Variants in PKD1 observed in about 807,000 individuals in gnomAD.
PKD1 encodes the protein polycystin-1.
In PKD1, 81 loss-of-function variants were observed where a neutral mutation model predicts 361.7. The observed-to-expected ratio is 0.22, with a 90% CI of 0.19 to 0.27. The LOEUF (loss-of-function observed/expected upper bound fraction) is 0.27, where lower values mean the gene tolerates loss of function less well. PKD1 is among the 10% of genes least tolerant of loss of function. PKD1 has a pLI of 1.00. For missense variants in PKD1, 6,399 were observed against 6,118.3 expected (o/e 1.05, Z -1.53); for synonymous variants, 3,615 against 2,818.3 (o/e 1.28, Z -8.95).
At chr16:2,097,537 G>A (rs571228066) in intron 32 of PKD1, 34 bp from the exon 33 acceptor site, 3 of 1,602,758 alleles carry the variant, frequency 1.9e-6, no homozygotes, top group East Asian at 2.2e-5. Context: ...GGTACCAGGG[G>A]ATGTGTCACA....
At position 2,090,082 on chromosome 16, in the gene PKD1, T is replaced by G. The variant is rs1567144600; in HGVS notation, c.12557A>C (p.His4186Pro). The G allele has an allele frequency of 1.2e-6, 2 of 1,608,870 alleles. No homozygotes were observed. Among genetic ancestry groups the G allele is most frequent in the South Asian group, 2.2e-5 (2 of 90,980 alleles). Residue 4186 changes from histidine to proline, a missense_variant, in exon 46 of 46, where the codon CAC becomes CCC. Physicochemically the swap from His to Pro is moderately conservative, Grantham distance 77. Transcript: ENST00000262304. ...PPPSAGSDAS[H>P]PSTSSSQLDG... is the part of the protein sequence containing the mutation. ...CAGCTGGCTGGAGGAGGTGGAGGGG[T>G]GCGAGGCATCGGAGCCAGCGCTGGG...
intron 1 of PKD1, chr16:2,135,100 A>C: frequency 2.0e-6 from 2 of 976,730 alleles, no homozygotes; most frequent in African/African-American, 1.8e-5. Flanking sequence ...ACCTCCTGGA[A>C]CTCTTCCCTG....
At position 2,107,938 on chromosome 16, in the gene PKD1, G is replaced by A. The variant is rs1060499713; in HGVS notation, c.7010C>T (p.Thr2337Ile). 8 of 1,546,480 alleles carry A rather than the reference G, an allele frequency of 5.2e-6. No individual in the cohort carries two copies. Among genetic ancestry groups the A allele is most frequent in the African/African-American group, 1.4e-5 (1 of 73,112 alleles). ...RERLAAGVEY[T>I]FSLTVWKAGR... ...GGCCTTCCACACGGTCAGGCTGAAG[G>A]TGTACTCCACGCCAGCCGCCAGCCG... is the stretch of plus-strand genomic sequence containing the variant. Residue 2337 changes from threonine to isoleucine, a missense_variant, in exon 16 of 46, where the codon ACC becomes ATC. Transcript: ENST00000262304.
chr16:2,090,759 G>A lies in PKD1; in HGVS notation c.12053C>T (p.Thr4018Ile), dbSNP rs556167132. 4.2e-5 allele frequency: 68 copies of A among 1,612,656 alleles called. No homozygotes were observed. The highest frequency in any genetic ancestry group is 4.2e-4 in the South Asian group (38 of 91,092). Residue 4018 changes from threonine (T) to isoleucine (I), a missense_variant, in exon 44 of 46, where the codon ACA (threonine) becomes ATA (isoleucine). Thr to Ile is a moderately conservative substitution (Grantham distance 89). Transcript: ENST00000262304. Reference protein sequence around the residue: ...FVRQWSVFGKTLCRALPELLG... With the variant: ...FVRQWSVFGKILCRALPELLG... The stretch of plus-strand genomic sequence containing the variant: ...GAGCTCTGGCAGAGCTCGGCATAAT[G>A]TCTTGCCAAAGACGGACCACTGGCG...
Position 2,135,524 on chromosome 16 carries a change from G to C in PKD1, c.166C>G (p.Leu56Val), listed in dbSNP as rs2092940218. The change falls in exon 1 of 46, where the codon CTG (leucine) becomes GTG (valine). Residue 56 changes from leucine (L) to valine (V), a missense_variant. Physicochemically the swap from Leu to Val is conservative, Grantham distance 32 (BLOSUM62 1). Transcript: ENST00000262304. Reference sequence around the variant, plus strand: ...CGCAGCGCGGGACCGAGCGTCCGCAGCCCGCGGCCCGAGCAGTTGACGCGG... The same window carrying C: ...CGCAGCGCGGGACCGAGCGTCCGCACCCCGCGGCCCGAGCAGTTGACGCGG... ...ACRVNCSGRG[L>V]RTLGPALRIP... The C allele has an allele frequency of 8.6e-7, 1 of 1,163,200 alleles. No individual in the cohort carries two copies. The highest frequency in any genetic ancestry group is 4.2e-5 in the South Asian group (1 of 23,702). 72.1% of individuals were successfully genotyped at this position (1,163,200 alleles called of 1,614,324 possible). A position where few individuals can be genotyped will look rare whatever the true frequency, so the allele number is the denominator to read the frequency against.
intron 1 of PKD1, chr16:2,123,441 C>G (rs2092752956): frequency 2.2e-6 from 1 of 456,412 alleles, no homozygotes; most frequent in Non-Finnish European, 4.4e-6. Context: ...GGGAACAGCA[C>G]AGGGGTCCCC....
At position 2,109,555 on chromosome 16, in the gene PKD1, G is replaced by C. The variant is rs767315469; in HGVS notation, c.5612C>G (p.Ala1871Gly). ...TFSIRLNASNAVSWVSATYNL... is the reference protein window; with the variant it reads ...TFSIRLNASNGVSWVSATYNL... ...GTACGTGGCTGAGACCCAGCTGACTGCGTTGGAGGCATTGAGCCGGATGGA... is the reference window on the plus strand; with the variant it reads ...GTACGTGGCTGAGACCCAGCTGACTCCGTTGGAGGCATTGAGCCGGATGGA... Residue 1871 changes from alanine to glycine, a missense_variant, in exon 15 of 46, where the codon GCA becomes GGA. By Grantham distance (60) the Ala-to-Gly change is moderately conservative. Transcript: ENST00000262304. 89 of 1,611,518 alleles carry C rather than the reference G, an allele frequency of 5.5e-5. No individual in the cohort carries two copies. The highest frequency in any genetic ancestry group is 7.0e-5 in the Non-Finnish European group (83 of 1,179,550).
intron 1 of PKD1, among the ~76,000 whole-genome samples, chr16:2,124,175 C>T (rs1382551484): frequency 2.0e-5 from 3 of 152,224 alleles, no homozygotes; most frequent in Admixed American, 2.0e-4. Flanking sequence ...GAGGCTGCCC[C>T]TCCACACCCG....
chr16:2,102,699 G>A lies in PKD1; in HGVS notation c.8949-66C>T, dbSNP rs28122. ...CCAGGTTGGATGTCGCAGTCTCAGA[G>A]CCCATACCCGGTCCAGTCCCCTCGC... On this transcript the variant is annotated intron_variant, in intron 24 of 45. Coordinates refer to ENST00000262304, the MANE Select transcript of PKD1 (RefSeq NM_001009944.3). 2,185 of 1,608,254 alleles carry A rather than the reference G, an allele frequency of 1.4e-3. 2 individuals carry two copies. Among genetic ancestry groups the A allele is most frequent in the Non-Finnish European group, 1.8e-3 (2,064 of 1,177,976 alleles).
In PKD1 at chr16:2,092,635, T is replaced by C. The variant is rs770813996; in HGVS notation, c.11157-43A>G. 2.5e-5 allele frequency: 35 copies of C among 1,382,546 alleles called. No individual in the cohort carries two copies. In the East Asian group the frequency reaches 3.7e-4, roughly 15 times the overall value. 85.6% of individuals were successfully genotyped at this position (1,382,546 alleles called of 1,614,324 possible). ...ACACGCTCCAGCCCCTACTGCCCCA[T>C]GCCCGCCTCGAGTGAGCGGCCACCA... On this transcript the variant is annotated intron_variant, in intron 38 of 45. Transcript: ENST00000262304.
chr16:2,116,333 C>A (rs1186130661), intron 8 of PKD1, among the ~76,000 whole-genome samples, 196 bp downstream of exon 8: 2 of 152,206 alleles, frequency 1.3e-5, no homozygotes, highest in African/African-American at 2.4e-5. Flanking sequence ...AACTCACACA[C>A]GCTCAGAGAA....
intron 23 of PKD1, 31 bp downstream of exon 23, chr16:2,103,235 G>C: frequency 6.2e-7 from 1 of 1,606,550 alleles, no homozygotes; most frequent in South Asian, 1.1e-5. Context: ...CAAGGCCAGG[G>C]GGCCGCGTGT....
At chr16:2,129,589 G>T in intron 1 of PKD1, among the ~76,000 whole-genome samples, 1 of 121,312 alleles carries the variant, frequency 8.2e-6, no homozygotes, top group African/African-American at 3.2e-5. Context: ...CTTGCTCTGT[G>T]ACCCAGCCTG....
At chr16:2,113,458 C>G in intron 11 of PKD1, 166 bp from the exon 12 acceptor site, 1 of 783,604 alleles carries the variant, frequency 1.3e-6, no homozygotes, top group Non-Finnish European at 2.1e-6. Context: ...GGCTGGGACA[C>G]TCACTGTCCG....
At position 2,097,498 on chromosome 16, in the gene PKD1, A is replaced by C. The variant is rs779510789; in HGVS notation, c.10226T>G (p.Val3409Gly). The C allele has an allele frequency of 6.2e-7, 1 of 1,601,840 alleles. No homozygotes were observed. The highest frequency in any genetic ancestry group is 8.5e-7 in the Non-Finnish European group (1 of 1,179,804). ...CGTTCCCTCGCCGGAGGGCCAGCAC[A>C]CCAGACTGCAGGTGGCGCGGGTCAG... Reference protein sequence around the residue: ...DLFLDDSKSLVCWPSGEGTLS... With the variant: ...DLFLDDSKSLGCWPSGEGTLS... The change falls in exon 33 of 46, where the codon GTG becomes GGG. Residue 3409 changes from valine (V) to glycine (G), a missense_variant. By Grantham distance (109) the Val-to-Gly change is moderately radical. Coordinates refer to ENST00000262304, the MANE Select transcript of PKD1 (RefSeq NM_001009944.3).
chr16:2,092,062 G>T lies in PKD1; in HGVS notation c.11396C>A (p.Ala3799Glu), dbSNP rs371394349. Residue 3799 changes from alanine (A) to glutamate (E), a missense_variant, in exon 40 of 46, where the codon GCG (alanine) becomes GAG (glutamate). By Grantham distance (107) the Ala-to-Glu change is moderately radical. Transcript: ENST00000262304. ...HNGSGTWAYS[A>E]PDLLGAWSWG... is the part of the protein sequence containing the mutation. ...CTCTGCTCACCCCAGCAGATCCGGC[G>T]CTGAATAGGCCCACGTCCCCGAGCC... 24 of 1,612,802 alleles carry T rather than the reference G, an allele frequency of 1.5e-5. No homozygotes were observed. Among genetic ancestry groups the T allele is most frequent in the Non-Finnish European group, 1.9e-5 (23 of 1,179,996 alleles).
chr16:2,112,554 G>A (rs1249879583), intron 13 of PKD1, 81 bp from the exon 14 acceptor site: 14 of 1,316,756 alleles, frequency 1.1e-5, no homozygotes, highest in South Asian at 3.8e-5. Context: ...GGACCCAGCC[G>A]AGGCTCCACT....
At position 2,112,223 on chromosome 16, in the gene PKD1, G is replaced by C. The variant is rs1596565451; in HGVS notation, c.3295+117C>G. 1.7e-5 allele frequency: 15 copies of C among 899,144 alleles called. No homozygotes were observed. In the South Asian group the frequency reaches 2.0e-4, roughly 12 times the overall value. The allele number at this position is 899,144 out of a possible 1,614,324, so 55.7% of individuals were successfully genotyped here. A position where few individuals can be genotyped will look rare whatever the true frequency, so the allele number is the denominator to read the frequency against. On this transcript the variant is annotated intron_variant, in intron 14 of 45. Transcript: ENST00000262304. The stretch of plus-strand genomic sequence containing the variant: ...AGTAGGGGCCTAAGCCATCAGCCCA[G>C]GTGAGGTCACAGTGAGGGCTGTTGG...
At chr16:2,092,908 C>T (rs1451981532) in intron 38 of PKD1, 46 bp downstream of exon 38, 5 of 1,611,250 alleles carry the variant, frequency 3.1e-6, no homozygotes, top group Non-Finnish European at 4.2e-6. Flanking sequence ...GGACTAAAGG[C>T]AAAACTAAAG....
Sources: allele counts gnomAD v4.1 joint callset (sites outside exome capture counted in the v4.1 genomes callset), GRCh38; gene constraint gnomAD v4.1.1; transcripts MANE v1.5; gene names NCBI Gene and HGNC (gene_info 2026-07-23, HGNC 2026-07-21).